PKD1L1: variants seen among roughly 807,000 people sequenced by gnomAD.
PKD1L1 encodes polycystin 1 like 1, transient receptor potential channel interacting.
A neutral mutation model predicts 323.4 loss-of-function variants in PKD1L1; 236 were observed. The observed-to-expected ratio is 0.73, with a 90% CI of 0.66 to 0.81. The LOEUF (loss-of-function observed/expected upper bound fraction) is 0.81. PKD1L1 is among the 40% of genes least tolerant of loss of function. The probability of loss-of-function intolerance (pLI) is 0.00; values close to 1 mark genes in which losing one functional copy is unlikely to be tolerated. For missense variants in PKD1L1, 3,320 were observed against 3,508.0 expected (o/e 0.95, Z 1.35); for synonymous variants, 1,344 against 1,335.0 (o/e 1.01, Z -0.15).
chr7:47,880,504 G>T (rs951883475), intron 21 of PKD1L1, among the ~76,000 whole-genome samples: 1 of 149,410 alleles, frequency 6.7e-6, no homozygotes, highest in African/African-American at 2.5e-5. Context: ...GGATGGTCTC[G>T]ATCTCCTGAC....
chr7:47,830,640 T>G (rs779220276), intron 42 of PKD1L1, among the ~76,000 whole-genome samples: 8 of 152,082 alleles, frequency 5.3e-5, no homozygotes, highest in Non-Finnish European at 8.8e-5. Context: ...TGATTCAACA[T>G]CTACAGTTGA....
intron 14 of PKD1L1, among the ~76,000 whole-genome samples, chr7:47,894,712 G>A (rs12531810): frequency 1.1e-4 from 17 of 152,084 alleles, no homozygotes; most frequent in Admixed American, 3.3e-4. Flanking sequence ...TTAGCTGAGC[G>A]TGGTGGCATG....
At chr7:47,831,864 C>A (rs531747165) in intron 41 of PKD1L1, among the ~76,000 whole-genome samples, 1 of 152,220 alleles carries the variant, frequency 6.6e-6, no homozygotes, top group African/African-American at 2.4e-5. Flanking sequence ...TGAGGGTCTG[C>A]CCTGATTTGG....
chr7:47,840,332 G>T lies in PKD1L1; in HGVS notation c.5552+129C>A. The stretch of plus-strand genomic sequence containing the variant: ...CTAAAAATACATCATAAAATTGTTT[G>T]TATATAAATCGATGCTCACTATTAG... On this transcript the variant is annotated intron_variant, in intron 35 of 56. Transcript: ENST00000289672. The surrounding 1 kb of genome is among the most constrained non-coding windows in gnomAD (Gnocchi z 4.1). 1 of 616,196 alleles carries T rather than the reference G, an allele frequency of 1.6e-6. No homozygotes were observed. The highest frequency in any genetic ancestry group is 2.9e-6 in the Non-Finnish European group (1 of 347,278). 38.2% of individuals were successfully genotyped at this position (616,196 alleles called of 1,614,324 possible).
chr7:47,880,059 T>G (rs1583642807), intron 21 of PKD1L1, among the ~76,000 whole-genome samples: 1 of 150,676 alleles, frequency 6.6e-6, no homozygotes, highest in Non-Finnish European at 1.5e-5. Flanking sequence ...GAGATAGGCA[T>G]GGAAACGCAA....
chr7:47,959,065 C>A, the PKD1L1 span, among the ~76,000 whole-genome samples: 3 of 152,274 alleles, frequency 2.0e-5, no homozygotes, highest in Non-Finnish European at 4.4e-5. Context: ...TGCGAGTGAT[C>A]CGCCAGCCTC....
At chr7:47,903,962 C>A (rs1028010548) in intron 12 of PKD1L1, among the ~76,000 whole-genome samples, 1 of 152,186 alleles carries the variant, frequency 6.6e-6, no homozygotes, top group Non-Finnish European at 1.5e-5. Flanking sequence ...AATCTGCCAA[C>A]CTACACTCAT....
At chr7:47,916,380 T>A (rs1428663588) in intron 7 of PKD1L1, among the ~76,000 whole-genome samples, 1 of 152,172 alleles carries the variant, frequency 6.6e-6, no homozygotes, top group Non-Finnish European at 1.5e-5. Context: ...GGTGCCTTAG[T>A]CCACTTTTTA....
chr7:47,881,960 A>ATG lies in PKD1L1; in HGVS notation c.3390_3391insCA (p.Trp1131HisfsTer25). ...GCTCGACCCAGCAGGGCCTTGGGCC[A>ATG]GTCAATCATGAGGACAGGCTCGGCT... On this transcript the variant is annotated frameshift_variant, in exon 20 of 57. Transcript: ENST00000289672. LOFTEE classifies it high-confidence loss of function. 23 of 1,613,852 alleles carry ATG rather than the reference A, an allele frequency of 1.4e-5. No individual in the cohort carries two copies. The highest frequency in any genetic ancestry group is 1.9e-5 in the Non-Finnish European group (23 of 1,179,930).
intron 55 of PKD1L1, among the ~76,000 whole-genome samples, 170 bp downstream of exon 55, chr7:47,795,819 G>A (rs879212732): frequency 1.3e-5 from 2 of 152,170 alleles, no homozygotes; most frequent in African/African-American, 2.4e-5. Flanking sequence ...AGAATTGCAC[G>A]GGAAAATTCC....
chr7:47,777,421 AG>A (rs1786594980), intron 56 of PKD1L1, among the ~76,000 whole-genome samples: 1 of 152,178 alleles, frequency 6.6e-6, no homozygotes, highest in Non-Finnish European at 1.5e-5. Flanking sequence ...GCAACCAAGC[AG>A]GGTGTCCTCC....
intron 31 of PKD1L1, among the ~76,000 whole-genome samples, chr7:47,852,715 AT>A (rs1785809330): frequency 6.6e-6 from 1 of 152,116 alleles, no homozygotes; most frequent in Non-Finnish European, 1.5e-5. Context: ...CCTGTGCCCT[AT>A]TGATACGTGA....
chr7:47,942,382 G>T (rs185216569), intron 2 of PKD1L1, among the ~76,000 whole-genome samples: 21 of 152,214 alleles, frequency 1.4e-4, no homozygotes, highest in Admixed American at 1.2e-3. Context: ...AATTGCAAAA[G>T]AATTGGCGTT....
chr7:47,881,574 A>G (rs752953320), intron 20 of PKD1L1, among the ~76,000 whole-genome samples: 1 of 152,170 alleles, frequency 6.6e-6, no homozygotes, highest in Non-Finnish European at 1.5e-5. Context: ...CTTCATTTTG[A>G]CCAATTCATG....
At chr7:47,798,264 C>A (rs1346433772) in intron 54 of PKD1L1, among the ~76,000 whole-genome samples, 1 of 152,128 alleles carries the variant, frequency 6.6e-6, no homozygotes, top group Non-Finnish European at 1.5e-5. Flanking sequence ...AGATATAGAT[C>A]CACACAGATA....
At chr7:47,876,363 T>C in intron 22 of PKD1L1, 146 bp from the exon 23 acceptor site, 1 of 925,964 alleles carries the variant, frequency 1.1e-6, no homozygotes, top group African/African-American at 1.7e-5. Context: ...TAAGCAGCAC[T>C]CCCAGCTGCC....
At chr7:47,959,793 G>C in the PKD1L1 span, among the ~76,000 whole-genome samples, 2 of 149,978 alleles carry the variant, frequency 1.3e-5, no homozygotes, top group African/African-American at 4.9e-5. Context: ...CGGGAGGTGA[G>C]GGGCGCCTCT....
chr7:47,933,219 AC>A (rs1210465973), intron 4 of PKD1L1, among the ~76,000 whole-genome samples: 1 of 118,038 alleles, frequency 8.5e-6, no homozygotes, highest in Admixed American at 8.5e-5. Flanking sequence ...TTCTAAACTG[AC>A]TGACGCCAAG....
chr7:47,855,281 C>G lies in PKD1L1; in HGVS notation c.4591-16G>C, dbSNP rs770718670. On this transcript the variant is annotated splice_polypyrimidine_tract_variant and intron_variant, in intron 28 of 56. Coordinates refer to ENST00000289672, the MANE Select transcript of PKD1L1 (RefSeq NM_138295.5). ...CTCCACCAATCTTGGGGAACAAAGA[C>G]CATCTCAGAGCAAATGACAGCAAGC... is the stretch of plus-strand genomic sequence containing the variant. 4 of 1,595,988 alleles carry G rather than the reference C, an allele frequency of 2.5e-6. No individual in the cohort carries two copies. The highest frequency in any genetic ancestry group is 8.6e-7 in the Non-Finnish European group (1 of 1,165,244).
Sources: allele counts gnomAD v4.1 joint callset (sites outside exome capture counted in the v4.1 genomes callset), GRCh38; gene constraint gnomAD v4.1.1; non-coding constraint Gnocchi (gnomAD v3.1); transcripts MANE v1.5; gene names NCBI Gene and HGNC (gene_info 2026-07-23, HGNC 2026-07-21).